Variants in CDH13 observed in about 807,000 individuals in gnomAD.
CDH13 encodes cadherin 13.
A neutral mutation model predicts 63.8 loss-of-function variants in CDH13; 24 were observed. That is an observed-to-expected ratio of 0.38 (90% CI 0.27 to 0.53). The LOEUF is 0.53. Among genes scored for constraint, CDH13 ranks in the 20% least tolerant of loss-of-function variants. The probability of loss-of-function intolerance (pLI) is 0.85; values close to 1 mark genes in which losing one functional copy is unlikely to be tolerated. For missense variants in CDH13, 1,049 were observed against 903.1 expected (o/e 1.16, Z -2.07); for synonymous variants, 503 against 355.3 (o/e 1.42, Z -4.67).
chr16:83,786,365 A>G (rs1915879153), intron 13 of CDH13, among the ~76,000 whole-genome samples: 1 of 152,272 alleles, frequency 6.6e-6, no homozygotes, highest in Non-Finnish European at 1.5e-5. Flanking sequence ...CTTAGGAAAC[A>G]TTTTCAAACT....
intron 7 of CDH13, among the ~76,000 whole-genome samples, chr16:83,499,580 A>G (rs1425409646): frequency 6.6e-6 from 1 of 152,248 alleles, no homozygotes; most frequent in Non-Finnish European, 1.5e-5. Flanking sequence ...TTCCCTTATC[A>G]TAATATGGAG....
rs543745100 is a variant in CDH13, at chr16:82,895,357, C to G, written c.157+36884C>G. ...CCCTCCCTCCTTCATCACACTTAGG[C>G]TCAAACACAAATTTGCCACCATCCC... On this transcript the variant is annotated intron_variant, in intron 2 of 13. Coordinates refer to ENST00000567109, the MANE Select transcript of CDH13 (RefSeq NM_001257.5). 4.2e-4 allele frequency among the ~76,000 whole-genome samples: 64 copies of G among 152,314 alleles called. 1 individual carries two copies. The South Asian group carries it at 0.013, about 31-fold the overall frequency.
chr16:83,488,866 C>T (rs2073950653), intron 7 of CDH13, among the ~76,000 whole-genome samples: 1 of 152,180 alleles, frequency 6.6e-6, no homozygotes, highest in African/African-American at 2.4e-5. Flanking sequence ...CTTAGGTGAT[C>T]TGCCCACCTC....
At position 82,686,484 on chromosome 16, in the gene CDH13, G is replaced by A. The variant is rs534041105; in HGVS notation, c.45+59347G>A. ...GAGAGGAACTAAAGAATGCAGGCTC[G>A]GCTTTTCCCAGAGGCAGCAGTGCGA... is the stretch of plus-strand genomic sequence containing the variant. On this transcript the variant is annotated intron_variant, in intron 1 of 13. Transcript: ENST00000567109. Among the ~76,000 whole-genome samples the A allele has an allele frequency of 1.8e-4, 27 of 152,276 alleles. No homozygotes were observed. The South Asian group carries it at 5.0e-3, about 28-fold the overall frequency.
chr16:83,268,946 G>A (rs990274450), intron 5 of CDH13, among the ~76,000 whole-genome samples: 1 of 112,582 alleles, frequency 8.9e-6, no homozygotes, highest in Admixed American at 9.3e-5. Context: ...AGAGCAGAGA[G>A]ATGGGAGGCT....
Position 82,782,551 on chromosome 16 carries a change from C to G in CDH13, c.46-75811C>G, listed in dbSNP as rs2199432. Among the ~76,000 whole-genome samples, 119 of 90,030 alleles carry G rather than the reference C, an allele frequency of 1.3e-3. 1 individual carries two copies. Among genetic ancestry groups the G allele is most frequent in the African/African-American group, 2.9e-3 (55 of 19,010 alleles). 59.1% of individuals were successfully genotyped at this position (90,030 alleles called of 152,430 possible). ...TGGGCGACAGTGCCAGACTCCATCT[C>G]AAAAAAAAAAAAAAATAATAATAAA... On this transcript the variant is annotated intron_variant, in intron 1 of 13. Coordinates refer to ENST00000567109, the MANE Select transcript of CDH13 (RefSeq NM_001257.5).
At chr16:83,056,258 G>A (rs1057254208) in intron 3 of CDH13, among the ~76,000 whole-genome samples, 1 of 152,148 alleles carries the variant, frequency 6.6e-6, no homozygotes, top group South Asian at 2.1e-4. Flanking sequence ...CTCACACACT[G>A]TAAAGCTGAA....
chr16:83,388,147 A>G (rs1045700852), intron 6 of CDH13, among the ~76,000 whole-genome samples: 1 of 151,990 alleles, frequency 6.6e-6, no homozygotes. Flanking sequence ...GCAGTGTTTT[A>G]TAATATTTAA....
chr16:83,629,797 G>A (rs1910621676), intron 8 of CDH13, among the ~76,000 whole-genome samples: 1 of 152,146 alleles, frequency 6.6e-6, no homozygotes, highest in Admixed American at 6.6e-5. Flanking sequence ...GCATCCAATT[G>A]GAAAACTCCT....
intron 8 of CDH13, among the ~76,000 whole-genome samples, chr16:83,614,267 T>C (rs940712786): frequency 3.3e-5 from 5 of 152,120 alleles, no homozygotes; most frequent in African/African-American, 1.2e-4. Context: ...GACTCAGGCT[T>C]TTTCAAGGGT....
At chr16:82,977,876 A>C (rs1244509510) in intron 2 of CDH13, among the ~76,000 whole-genome samples, 1 of 152,230 alleles carries the variant, frequency 6.6e-6, no homozygotes, top group Non-Finnish European at 1.5e-5. Context: ...GGCTCAGAAG[A>C]CAGGAAGATG....
chr16:82,709,409 G>C (rs1462513133), intron 1 of CDH13, among the ~76,000 whole-genome samples: 1 of 152,154 alleles, frequency 6.6e-6, no homozygotes, highest in Non-Finnish European at 1.5e-5. Flanking sequence ...GAAGCAGTCT[G>C]TGTAGCAGAC....
Position 83,678,351 on chromosome 16 carries a change from C to T in CDH13, c.1428C>T (p.Val476=), listed in dbSNP as rs1244856522. 1 of 1,614,024 alleles carries T rather than the reference C, an allele frequency of 6.2e-7. No individual in the cohort carries two copies. The highest frequency in any genetic ancestry group is 1.7e-5 in the Admixed American group (1 of 60,026). ...TCCTGGATGTCAACGAGGGCCCAGT[C>T]TTCTACCCAGACCCCATGATGGTGA... ...ITVLDVNEGP[V]FYPDPMMVTR... Residue 476 remains valine (V), a synonymous_variant, in exon 10 of 14, where the codon GTC becomes GTT. Coordinates refer to ENST00000567109, the MANE Select transcript of CDH13 (RefSeq NM_001257.5).
At chr16:83,745,004 C>G (rs1469776269) in intron 10 of CDH13, among the ~76,000 whole-genome samples, 1 of 152,158 alleles carries the variant, frequency 6.6e-6, no homozygotes, top group East Asian at 1.9e-4. Flanking sequence ...ATGATCTTGG[C>G]AAAGTTCACA....
chr16:82,758,052 G>A (rs2034685675), intron 1 of CDH13, among the ~76,000 whole-genome samples: 1 of 152,068 alleles, frequency 6.6e-6, no homozygotes, highest in Non-Finnish European at 1.5e-5. Flanking sequence ...CAGGTTAGTT[G>A]TAGATAATCT....
chr16:82,691,233 G>A (rs1597334393), intron 1 of CDH13, among the ~76,000 whole-genome samples: 1 of 152,170 alleles, frequency 6.6e-6, no homozygotes, highest in Non-Finnish European at 1.5e-5. Flanking sequence ...TAGTTACTAT[G>A]CATCAGGTAC....
intron 2 of CDH13, among the ~76,000 whole-genome samples, chr16:82,869,257 G>A (rs903438934): frequency 3.3e-5 from 5 of 152,124 alleles, no homozygotes; most frequent in Non-Finnish European, 7.4e-5. Context: ...TGTTGGCCAG[G>A]CTGGTCTTGA....
chr16:83,612,209 A>G (rs1908921771), intron 8 of CDH13, among the ~76,000 whole-genome samples: 1 of 152,086 alleles, frequency 6.6e-6, no homozygotes, highest in African/African-American at 2.4e-5. Flanking sequence ...ATACAAATTT[A>G]AAATTGTTAT....
At chr16:83,658,080 C>T (rs1202937219) in intron 8 of CDH13, among the ~76,000 whole-genome samples, 2 of 131,168 alleles carry the variant, frequency 1.5e-5, no homozygotes, top group Non-Finnish European at 3.3e-5. Context: ...GTGCCATGTC[C>T]TCACCAGCAA....
Sources: allele counts gnomAD v4.1 joint callset (sites outside exome capture counted in the v4.1 genomes callset), GRCh38; gene constraint gnomAD v4.1.1; transcripts MANE v1.5; gene names NCBI Gene and HGNC (gene_info 2026-07-23, HGNC 2026-07-21).